The following FN1 variants were observed in gnomAD, a reference collection of about 807,000 sequenced individuals.
FN1 encodes fibronectin.
Under a neutral mutation model 297.3 loss-of-function variants are expected in FN1, and 106 were observed. The ratio of observed to expected loss-of-function variants is 0.36; its 90% CI spans 0.30 to 0.42. FN1 has a LOEUF of 0.42. Among genes scored for constraint, FN1 ranks in the 10% least tolerant of loss-of-function variants. The pLI, the probability that FN1 is intolerant of heterozygous loss-of-function variation, is 1.00. For synonymous variants in FN1, 1,149 were observed against 1,152.6 expected, an observed-to-expected ratio of 1.00 and a Z score of 0.06; for missense variants, 2,690 against 3,124.9, an observed-to-expected ratio of 0.86 and a Z score of 3.32.
chr2:215,404,510 C>T lies in FN1; in HGVS notation c.3132G>A (p.Val1044=), dbSNP rs1169805994. Residue 1044 remains valine (V), a synonymous_variant, in exon 20 of 46, where the codon GTG becomes GTA. Transcript: ENST00000354785. ...TRRGQPRQYN[V]GPSVSKYPLR... ...GTGGGTACTTGGAGACAGAGGGACCCACATTGTACTGCCTGGGCTGTCCTC... is the reference window on the plus strand; with the variant it reads ...GTGGGTACTTGGAGACAGAGGGACCTACATTGTACTGCCTGGGCTGTCCTC... 9 of 1,613,988 alleles carry T rather than the reference C, an allele frequency of 5.6e-6. No homozygotes were observed. Among genetic ancestry groups the T allele is most frequent in the Non-Finnish European group, 7.6e-6 (9 of 1,180,014 alleles).
chr2:215,409,159 C>T (rs951973755), intron 15 of FN1, among the ~76,000 whole-genome samples: 9 of 152,018 alleles, frequency 5.9e-5, no homozygotes, highest in Admixed American at 1.3e-4. Context: ...TCAGTGCTTA[C>T]GATGGCACAC....
At chr2:215,395,388 A>G (rs1402128003) in intron 23 of FN1, among the ~76,000 whole-genome samples, 1 of 152,050 alleles carries the variant, frequency 6.6e-6, no homozygotes, top group Non-Finnish European at 1.5e-5. Context: ...AAATCTAAAA[A>G]ATAGCTGGGC....
At chr2:215,370,471 T>C (rs1375655635) in intron 40 of FN1, 39 bp from the exon 41 acceptor site, 2 of 1,585,864 alleles carry the variant, frequency 1.3e-6, no homozygotes, top group East Asian at 2.3e-5. Context: ...GAGAAAGCAT[T>C]ATAGTGAGGA....
chr2:215,375,755 G>T (rs748776503), intron 36 of FN1, 37 bp from the exon 37 acceptor site: 3 of 1,355,618 alleles, frequency 2.2e-6, no homozygotes, highest in Non-Finnish European at 3.2e-6. Context: ...AACAGTTCTT[G>T]CTTTTTACTA....
intron 23 of FN1, among the ~76,000 whole-genome samples, chr2:215,394,934 C>G (rs566998497): frequency 6.6e-6 from 1 of 152,076 alleles, no homozygotes. Flanking sequence ...GAGACAGTCT[C>G]CCTCTATCAC....
At chr2:215,428,963 T>A (rs1177657190) in intron 5 of FN1, among the ~76,000 whole-genome samples, 2 of 151,956 alleles carry the variant, frequency 1.3e-5, no homozygotes, top group East Asian at 3.9e-4. Context: ...TGCAATGAGC[T>A]GAGATCACAC....
intron 26 of FN1, among the ~76,000 whole-genome samples, chr2:215,389,130 G>C (rs2059395553): frequency 1.3e-5 from 2 of 151,882 alleles, no homozygotes; most frequent in East Asian, 1.9e-4. Context: ...TTTTGACGAG[G>C]TTTTACTCTG....
chr2:215,388,453 G>T, intron 26 of FN1, 152 bp from the exon 27 acceptor site: 1 of 697,974 alleles, frequency 1.4e-6, no homozygotes. Context: ...AGTGTTCAGT[G>T]AACAGACCTT....
Position 215,410,129 on chromosome 2 carries a change from TAA to T in FN1, c.1942-17_1942-16del, listed in dbSNP as rs1491285298. 1.3e-6 allele frequency: 2 copies of T among 1,489,144 alleles called. No homozygotes were observed. Among genetic ancestry groups the T allele is most frequent in the Non-Finnish European group, 1.8e-6 (2 of 1,107,518 alleles). The allele number at this position is 1,489,144 out of a possible 1,614,324, so 92.2% of individuals were successfully genotyped here. A position where few individuals can be genotyped will look rare whatever the true frequency, so the allele number is the denominator to read the frequency against. On this transcript the variant is annotated splice_polypyrimidine_tract_variant and intron_variant, in intron 13 of 45. Coordinates refer to ENST00000354785, the MANE Select transcript of FN1 (RefSeq NM_212482.4). Reference sequence around the variant, plus strand: ...ACAGAATTTTTCTGAAAATTTAAATTAACACACACACACACACACACACGTGT... The same window carrying T: ...ACAGAATTTTTCTGAAAATTTAAATTCACACACACACACACACACACGTGT...
intron 1 of FN1, among the ~76,000 whole-genome samples, chr2:215,435,249 C>CT (rs1439692881): frequency 6.6e-6 from 1 of 152,168 alleles, no homozygotes; most frequent in African/African-American, 2.4e-5. Flanking sequence ...TCAATACCCC[C>CT]TTTCCACCCC....
At chr2:215,363,285 C>T (rs2053874215) in intron 44 of FN1, 1 of 152,196 alleles carries the variant, frequency 6.6e-6, no homozygotes, top group Admixed American at 6.5e-5. Context: ...CCAAAATCAA[C>T]TTCCCAGCAA....
intron 21 of FN1, among the ~76,000 whole-genome samples, chr2:215,398,922 G>C (rs1314720747): frequency 6.6e-6 from 1 of 152,188 alleles, no homozygotes; most frequent in Non-Finnish European, 1.5e-5. Context: ...CACTCATTTA[G>C]AACAACACAT....
At chr2:215,417,508 A>C (rs1179754226) in intron 12 of FN1, among the ~76,000 whole-genome samples, 1 of 152,126 alleles carries the variant, frequency 6.6e-6, no homozygotes. Context: ...ATCTTTTGCT[A>C]GTTTGAACAA....
At chr2:215,433,191 A>G in intron 3 of FN1, 133 bp downstream of exon 3, 2 of 1,055,752 alleles carry the variant, frequency 1.9e-6, no homozygotes, top group Admixed American at 3.5e-5. Flanking sequence ...TGACCACTTA[A>G]GAGTACCTGG....
At position 215,404,414 on chromosome 2, in the gene FN1, G is replaced by A; in HGVS notation, c.3228C>T (p.Pro1076=). 2.5e-6 allele frequency: 4 copies of A among 1,613,874 alleles called. No individual in the cohort carries two copies. The highest frequency in any genetic ancestry group is 3.4e-6 in the Non-Finnish European group (4 of 1,179,950). Residue 1076 remains proline (P), a synonymous_variant, in exon 20 of 46, where the codon CCC becomes CCT. Transcript: ENST00000354785. ...GTGTGGTAAAGACTCCAGTGGCTTT[G>A]GGGCTCTCTTGGTTGCCCTTTATGG... is the stretch of plus-strand genomic sequence containing the variant. ...LVAIKGNQES[P]KATGVFTTLQ...
At chr2:215,390,748 G>C (rs1480500146) in intron 26 of FN1, among the ~76,000 whole-genome samples, 1 of 152,138 alleles carries the variant, frequency 6.6e-6, no homozygotes, top group African/African-American at 2.4e-5. Context: ...CTTGCCCTCA[G>C]CCACAAAGTA....
intron 44 of FN1, chr2:215,363,170 T>C (rs998221094): frequency 2.0e-5 from 3 of 152,184 alleles, no homozygotes; most frequent in Non-Finnish European, 4.4e-5. Context: ...AAGTGAACAG[T>C]TTCCACTCCT....
chr2:215,420,294 G>T (rs1205665760), intron 11 of FN1, among the ~76,000 whole-genome samples: 1 of 151,722 alleles, frequency 6.6e-6, no homozygotes, highest in African/African-American at 2.4e-5. Flanking sequence ...AGCCGAGATT[G>T]TGCCATACAC....
In FN1 at chr2:215,386,972, C is replaced by G. The variant is rs371701739; in HGVS notation, c.4343-14G>C. 4.4e-6 allele frequency: 7 copies of G among 1,606,226 alleles called. No homozygotes were observed. Among genetic ancestry groups the G allele is most frequent in the Non-Finnish European group, 5.9e-6 (7 of 1,176,654 alleles). Reference sequence around the variant, plus strand: ...GGGAATCAAGACCTGTTTTTCCCACCCGGGGGAGGAAGAGAAAAAAAAAAG... The same window carrying G: ...GGGAATCAAGACCTGTTTTTCCCACGCGGGGGAGGAAGAGAAAAAAAAAAG... On this transcript the variant is annotated splice_polypyrimidine_tract_variant and intron_variant, in intron 27 of 45. Transcript: ENST00000354785.
Sources: allele counts gnomAD v4.1 joint callset (sites outside exome capture counted in the v4.1 genomes callset), GRCh38; gene constraint gnomAD v4.1.1; transcripts MANE v1.5; gene names NCBI Gene and HGNC (gene_info 2026-07-23, HGNC 2026-07-21).